F13A1: variants seen among roughly 807,000 people sequenced by gnomAD.
The protein encoded by F13A1 is coagulation factor XIII A chain, also known as FSF, A subunit.
Under a neutral mutation model 80.1 loss-of-function variants are expected in F13A1, and 47 were observed. The observed-to-expected ratio is 0.59, with a 90% confidence interval of 0.46 to 0.75. F13A1 has a LOEUF of 0.75. Ranked by LOEUF, F13A1 falls within the 30% of genes least tolerant of loss-of-function variation. The probability of loss-of-function intolerance (pLI) is 0.00; values close to 1 mark genes in which losing one functional copy is unlikely to be tolerated. For synonymous variants in F13A1, 349 were observed against 344.9 expected (o/e 1.01, Z -0.13); for missense variants, 817 against 930.4 (o/e 0.88, Z 1.59).
At chr6:6,225,340 C>T (rs371171436) in intron 6 of F13A1, among the ~76,000 whole-genome samples, 2 of 151,756 alleles carry the variant, frequency 1.3e-5, no homozygotes, top group Non-Finnish European at 2.9e-5. Flanking sequence ...TAGACTCTAC[C>T]GACTTGAAAA....
intron 3 of F13A1, among the ~76,000 whole-genome samples, chr6:6,300,183 A>G (rs563580008): frequency 1.1e-4 from 13 of 123,616 alleles, no homozygotes; most frequent in Admixed American, 9.6e-4. Flanking sequence ...AAGTGTGCAG[A>G]GGTTACTGCT....
chr6:6,292,718 T>C (rs929165434), intron 3 of F13A1, among the ~76,000 whole-genome samples: 31 of 152,228 alleles, frequency 2.0e-4, no homozygotes, highest in Admixed American at 6.5e-4. Context: ...ACATGTGCAG[T>C]TGACCCAGTC....
At chr6:6,289,848 T>A (rs1313870904) in intron 3 of F13A1, among the ~76,000 whole-genome samples, 1 of 152,076 alleles carries the variant, frequency 6.6e-6, no homozygotes, top group African/African-American at 2.4e-5. Flanking sequence ...ACAATTTCCA[T>A]TCCCCTGGGT....
intron 9 of F13A1, 68 bp from the exon 10 acceptor site, chr6:6,195,953 C>T: frequency 7.2e-7 from 1 of 1,388,316 alleles, no homozygotes; most frequent in Non-Finnish European, 1.0e-6. Context: ...CTGCAAGATT[C>T]ATGGCACTGA....
chr6:6,147,789 T>A (rs191808490), intron 14 of F13A1, among the ~76,000 whole-genome samples: 2 of 152,338 alleles, frequency 1.3e-5, no homozygotes, highest in Admixed American at 1.3e-4. Context: ...AAAATACTCA[T>A]ACATGAAGAT....
intron 2 of F13A1, among the ~76,000 whole-genome samples, chr6:6,314,102 C>T (rs778451918): frequency 4.6e-5 from 7 of 151,742 alleles, no homozygotes; most frequent in Non-Finnish European, 7.4e-5. Context: ...CTGCCTCAGC[C>T]TCCCGAGTAG....
intron 4 of F13A1, among the ~76,000 whole-genome samples, chr6:6,254,700 T>C (rs945133410): frequency 6.6e-6 from 1 of 152,214 alleles, no homozygotes. Context: ...TTTAGCCATG[T>C]AAATGTACAT....
At position 6,145,666 on chromosome 6, in the gene F13A1, C is replaced by A; in HGVS notation, c.2152G>T (p.Val718Leu). 1 of 1,614,204 alleles carries A rather than the reference C, an allele frequency of 6.2e-7. No individual in the cohort carries two copies. The highest frequency in any genetic ancestry group is 8.5e-7 in the Non-Finnish European group (1 of 1,180,018). The change falls in exon 15 of 15, where the codon GTG becomes TTG. Residue 718 changes from valine (V) to leucine (L), a missense_variant. Coordinates refer to ENST00000264870, the MANE Select transcript of F13A1 (RefSeq NM_000129.4). ...ASMSSDSLRH[V>L]YGELDVQIQR... ...ATCTGCACGTCCAGCTCGCCATACACATGTCTCAGGGAGTCACTGCTCATG... is the reference window on the plus strand; with the variant it reads ...ATCTGCACGTCCAGCTCGCCATACAAATGTCTCAGGGAGTCACTGCTCATG...
At chr6:6,195,969 ACT>A (rs1761283979) in intron 9 of F13A1, 84 bp from the exon 10 acceptor site, 1 of 1,251,006 alleles carries the variant, frequency 8.0e-7, no homozygotes, top group Non-Finnish European at 1.2e-6. Flanking sequence ...ACTGAGGGTG[ACT>A]CTGTAAAGAC....
At chr6:6,200,375 TGG>T (rs1251623189) in intron 8 of F13A1, among the ~76,000 whole-genome samples, 1 of 152,040 alleles carries the variant, frequency 6.6e-6, no homozygotes, top group Non-Finnish European at 1.5e-5. Context: ...GAGGCCATCC[TGG>T]GCAACATGGC....
chr6:6,318,316 C>G (rs1758715405), intron 2 of F13A1, among the ~76,000 whole-genome samples: 1 of 152,212 alleles, frequency 6.6e-6, no homozygotes, highest in Non-Finnish European at 1.5e-5. Context: ...GTTACAAGGT[C>G]AGTAAGGGGC....
chr6:6,200,056 G>C (rs1583068323), intron 8 of F13A1, among the ~76,000 whole-genome samples: 1 of 152,214 alleles, frequency 6.6e-6, no homozygotes, highest in African/African-American at 2.4e-5. Flanking sequence ...GGTGATGGGT[G>C]GATGACCAGC....
In F13A1 at chr6:6,243,110, C is replaced by T. The variant is rs932212707; in HGVS notation, c.798+5202G>A. 6.6e-6 allele frequency among the ~76,000 whole-genome samples: 1 copy of T among 152,004 alleles called. No individual in the cohort carries two copies. Among genetic ancestry groups the T allele is most frequent in the African/African-American group, 2.4e-5 (1 of 41,378 alleles). ...ACTGAGTGTTTTACCACCATCACCA[C>T]CACCACTACCACTATCACCACCATC... On this transcript the variant is annotated intron_variant, in intron 6 of 14. Coordinates refer to ENST00000264870, the MANE Select transcript of F13A1 (RefSeq NM_000129.4). The surrounding 1 kb of genome is among the most constrained non-coding windows in gnomAD (Gnocchi z 4.2).
chr6:6,167,488 G>A lies in F13A1; in HGVS notation c.1878C>T (p.Thr626=), dbSNP rs149970442. ...TGATGATCTCAGGGATGGTTAGCAC[G>A]GTGGACTTTTGCTTGGCCAGAACAT... The part of the protein sequence containing the change: ...TRDVLAKQKS[T]VLTIPEIIIK... Residue 626 remains threonine, a synonymous_variant, in exon 13 of 15, where the codon ACC becomes ACT. Transcript: ENST00000264870. 35 of 1,614,098 alleles carry A rather than the reference G, an allele frequency of 2.2e-5. No homozygotes were observed. In the East Asian group the frequency reaches 5.1e-4, roughly 24 times the overall value.
chr6:6,160,200 C>A (rs1361703358), intron 13 of F13A1, among the ~76,000 whole-genome samples: 2 of 150,846 alleles, frequency 1.3e-5, no homozygotes, highest in African/African-American at 2.4e-5. Flanking sequence ...TTGCTTGAAC[C>A]CAGGAGACGA....
In F13A1 at chr6:6,298,145, G is replaced by C. The variant is rs553573014; in HGVS notation, c.319+7206C>G. On this transcript the variant is annotated intron_variant, in intron 3 of 14. Coordinates refer to ENST00000264870, the MANE Select transcript of F13A1 (RefSeq NM_000129.4). ...TTATAATTTCTGTTCTTTTACATTTGCTGAGGAGAGCTTTACTTCCCAGTA... is the reference window on the plus strand; with the variant it reads ...TTATAATTTCTGTTCTTTTACATTTCCTGAGGAGAGCTTTACTTCCCAGTA... Among the ~76,000 whole-genome samples, 211 of 146,922 alleles carry C rather than the reference G, an allele frequency of 1.4e-3. 2 individuals are homozygous for C. The highest frequency in any genetic ancestry group is 5.4e-3 in the African/African-American group (203 of 37,430).
At chr6:6,206,342 G>T (rs907400554) in intron 8 of F13A1, 1 of 390,172 alleles carries the variant, frequency 2.6e-6, no homozygotes. Flanking sequence ...ACCTTCTAAC[G>T]GTATATATGA....
chr6:6,147,984 A>G (rs1032045), intron 14 of F13A1, among the ~76,000 whole-genome samples: 61,571 of 152,036 alleles, frequency 0.4, 12,885 homozygotes, highest in African/African-American at 0.52. Flanking sequence ...GCAGGCAAAT[A>G]AGATTATTAT....
At position 6,149,809 on chromosome 6, in the gene F13A1, A is replaced by G. The variant is rs115448042; in HGVS notation, c.2045+2004T>C. On this transcript the variant is annotated intron_variant, in intron 14 of 14. Coordinates refer to ENST00000264870, the MANE Select transcript of F13A1 (RefSeq NM_000129.4). ...TTGTCTGCCTAGACTTACGTGTTGCAGTAACTACTAACAGTACCTTAAGCC... is the reference window on the plus strand; with the variant it reads ...TTGTCTGCCTAGACTTACGTGTTGCGGTAACTACTAACAGTACCTTAAGCC... Among the ~76,000 whole-genome samples the G allele has an allele frequency of 9.5e-3, 1,448 of 152,340 alleles. 26 individuals carry two copies. Among genetic ancestry groups the G allele is most frequent in the African/African-American group, 0.033 (1,366 of 41,578 alleles).
Sources: allele counts gnomAD v4.1 joint callset (sites outside exome capture counted in the v4.1 genomes callset), GRCh38; gene constraint gnomAD v4.1.1; non-coding constraint Gnocchi (gnomAD v3.1); transcripts MANE v1.5; gene names NCBI Gene and HGNC (gene_info 2026-07-23, HGNC 2026-07-21).